SP140L: variants seen among roughly 807,000 people sequenced by gnomAD.
SP140L encodes nuclear body protein SP140-like protein.
In SP140L, 64 loss-of-function variants were observed where a neutral mutation model predicts 84.3. That is an observed-to-expected ratio of 0.76 (90% confidence interval 0.62 to 0.94). The LOEUF is 0.94. SP140L is among the 40% of genes least tolerant of loss of function. The pLI is 0.00. For synonymous variants in SP140L, 242 were observed against 236.9 expected, an observed-to-expected ratio of 1.02 and a Z score of -0.20; for missense variants, 628 against 692.5, an observed-to-expected ratio of 0.91 and a Z score of 1.05.
At chr2:230,359,432 T>A (rs964600783) in intron 4 of SP140L, among the ~76,000 whole-genome samples, 2 of 152,186 alleles carry the variant, frequency 1.3e-5, no homozygotes, top group African/African-American at 4.8e-5. Flanking sequence ...AGTTGTTTCT[T>A]CTCTTTAGTG....
chr2:230,364,494 G>T (rs1462682962), intron 5 of SP140L, among the ~76,000 whole-genome samples: 1 of 151,990 alleles, frequency 6.6e-6, no homozygotes, highest in South Asian at 2.1e-4. Context: ...TGTTGATTTT[G>T]TATCCTGCAA....
At chr2:230,380,223 G>T (rs989034753) in intron 7 of SP140L, among the ~76,000 whole-genome samples, 3 of 152,112 alleles carry the variant, frequency 2.0e-5, no homozygotes, top group Non-Finnish European at 4.4e-5. Context: ...ATCAGATCTC[G>T]TGAGACTTGT....
chr2:230,400,723 A>T, intron 15 of SP140L: 1 of 928,496 alleles, frequency 1.1e-6, no homozygotes, highest in Non-Finnish European at 1.6e-6. Context: ...GATAGTCCCC[A>T]CTCACGGTGA....
intron 7 of SP140L, among the ~76,000 whole-genome samples, chr2:230,374,459 CT>C (rs746560090): frequency 3.9e-5 from 6 of 152,140 alleles, no homozygotes; most frequent in Non-Finnish European, 8.8e-5. Context: ...GGGAAAGATG[CT>C]GTGAACATTG....
chr2:230,370,454 T>C (rs34827792), intron 5 of SP140L, among the ~76,000 whole-genome samples: 3 of 152,054 alleles, frequency 2.0e-5, no homozygotes, highest in Non-Finnish European at 4.4e-5. Context: ...CTTTAGGCAG[T>C]GAGACCTGTG....
chr2:230,357,898 A>G lies in SP140L; in HGVS notation c.201A>G (p.Ala67=). The G allele has an allele frequency of 6.2e-7, 1 of 1,614,116 alleles. No individual in the cohort carries two copies. The highest frequency in any genetic ancestry group is 8.5e-7 in the Non-Finnish European group (1 of 1,179,950). ...FKRHKLEISN[A]IKKTFPFLEG... ...GACATAAGCTGGAGATATCAAATGC[A>G]ATAAAAAAGACATTTCCATTCCTTG... Residue 67 remains alanine, a synonymous_variant, in exon 3 of 19, where the codon GCA becomes GCG. Transcript: ENST00000415673.
chr2:230,341,898 T>C (rs978432301), intron 2 of SP140L, among the ~76,000 whole-genome samples: 1 of 152,082 alleles, frequency 6.6e-6, no homozygotes, highest in Admixed American at 6.5e-5. Flanking sequence ...TCTTCAAAGC[T>C]GTCAGACAGG....
intron 2 of SP140L, among the ~76,000 whole-genome samples, chr2:230,349,162 G>A (rs1372237586): frequency 6.6e-6 from 1 of 152,056 alleles, no homozygotes; most frequent in South Asian, 2.1e-4. Flanking sequence ...AATTGCCTTG[G>A]CACTTTTGTT....
intron 5 of SP140L, among the ~76,000 whole-genome samples, chr2:230,362,782 C>T (rs13405171): frequency 6.6e-6 from 1 of 152,070 alleles, no homozygotes; most frequent in Non-Finnish European, 1.5e-5. Context: ...CCTAGGCATT[C>T]TAAGCCAGAG....
intron 4 of SP140L, 109 bp from the exon 5 acceptor site, chr2:230,361,505 C>CA: frequency 5.0e-6 from 4 of 793,948 alleles, no homozygotes; most frequent in Admixed American, 2.3e-5. Flanking sequence ...AAGTTTAAGT[C>CA]TGACTTCTGA....
chr2:230,370,692 A>T (rs2149764075), intron 5 of SP140L, among the ~76,000 whole-genome samples: 1 of 146,972 alleles, frequency 6.8e-6, no homozygotes, highest in South Asian at 2.1e-4. Context: ...AAAAGACAAA[A>T]GAGGACAAAA....
chr2:230,381,711 T>TACACACACACACACACACACACACAC (rs71052506), intron 7 of SP140L, among the ~76,000 whole-genome samples: 3 of 147,056 alleles, frequency 2.0e-5, no homozygotes. Flanking sequence ...CCTGTCTCTC[T>TACACACACACACACACACACACACAC]ACACACACAC....
At chr2:230,355,119 C>A (rs901882123) in intron 2 of SP140L, among the ~76,000 whole-genome samples, 10 of 151,828 alleles carry the variant, frequency 6.6e-5, no homozygotes, top group Non-Finnish European at 1.3e-4. Context: ...GAAATAAGAT[C>A]CAAAAAAAGG....
chr2:230,367,829 G>T (rs2060936439), intron 5 of SP140L, among the ~76,000 whole-genome samples: 1 of 150,904 alleles, frequency 6.6e-6, no homozygotes, highest in Non-Finnish European at 1.5e-5. Flanking sequence ...CTACTGGGAA[G>T]GCTGAGGCAG....
chr2:230,330,534 C>G (rs539987220), intron 2 of SP140L, among the ~76,000 whole-genome samples: 5 of 152,190 alleles, frequency 3.3e-5, no homozygotes, highest in African/African-American at 4.8e-5. Flanking sequence ...TGCACTGACT[C>G]TATAGATCAA....
chr2:230,355,492 TTTCAAATCA>T (rs1212283445), intron 2 of SP140L, among the ~76,000 whole-genome samples: 3 of 152,186 alleles, frequency 2.0e-5, no homozygotes, highest in Non-Finnish European at 2.9e-5. Context: ...TTATCTATAG[TTTCAAATCA>T]AACCCAAGAA....
At position 230,380,637 on chromosome 2, in the gene SP140L, C is replaced by T. The variant is rs79760619; in HGVS notation, c.638-2873C>T. Among the ~76,000 whole-genome samples the T allele has an allele frequency of 5.2e-3, 788 of 152,270 alleles. 2 individuals are homozygous for T. The highest frequency in any genetic ancestry group is 0.018 in the African/African-American group (751 of 41,564). ...GTTCCTTATATCCTTTCTGGTATAT[C>T]TCCACCCACTACCTATCAGGGCAAT... On this transcript the variant is annotated intron_variant, in intron 7 of 18. Coordinates refer to ENST00000415673, the MANE Select transcript of SP140L (RefSeq NM_138402.6).
chr2:230,346,684 G>T (rs937918708), intron 2 of SP140L, among the ~76,000 whole-genome samples: 1 of 151,942 alleles, frequency 6.6e-6, no homozygotes, highest in Non-Finnish European at 1.5e-5. Context: ...CTGTTAAATT[G>T]TTCAGTTCAG....
chr2:230,379,154 T>C (rs768750700), intron 7 of SP140L, among the ~76,000 whole-genome samples: 1 of 152,206 alleles, frequency 6.6e-6, no homozygotes, highest in Non-Finnish European at 1.5e-5. Flanking sequence ...GTAACAGCAC[T>C]TAGCTTTTGC....
Sources: gnomAD v4.1 joint callset for allele counts (sites outside exome capture counted in the v4.1 genomes callset) on GRCh38, gnomAD v4.1.1 for gene constraint, MANE v1.5 for transcripts, NCBI Gene and HGNC (gene_info 2026-07-23, HGNC 2026-07-21) for gene names.